The following SH3BP2 variants were observed in gnomAD, a reference collection of about 807,000 sequenced individuals.
SH3BP2 encodes the protein SH3 domain binding protein 2.
SH3BP2 carries 38 observed loss-of-function variants against 56.2 expected under a neutral mutation model. The ratio of observed to expected loss-of-function variants is 0.68; its 90% confidence interval spans 0.52 to 0.89. SH3BP2 has a LOEUF of 0.89. Ranked by LOEUF, SH3BP2 falls within the 40% of genes least tolerant of loss-of-function variation. SH3BP2 has a pLI of 0.00. For synonymous variants in SH3BP2, 346 were observed against 316.7 expected, an observed-to-expected ratio of 1.09 and a Z score of -0.98; for missense variants, 748 against 762.6, an observed-to-expected ratio of 0.98 and a Z score of 0.23.
chr4:2,813,792 C>A (rs1418237165), intron 1 of SH3BP2, among the ~76,000 whole-genome samples: 4 of 152,144 alleles, frequency 2.6e-5, no homozygotes, highest in African/African-American at 9.7e-5. Context: ...TGTATGAGAA[C>A]ATGAGAGCGA....
At chr4:2,796,216 G>T (rs1427945481) in intron 1 of SH3BP2, among the ~76,000 whole-genome samples, 1 of 152,174 alleles carries the variant, frequency 6.6e-6, no homozygotes, top group South Asian at 2.1e-4. Flanking sequence ...GTTCCGTGCC[G>T]GGCCCCTGAC....
chr4:2,802,488 GTA>G, intron 1 of SH3BP2, among the ~76,000 whole-genome samples: 1 of 148,168 alleles, frequency 6.7e-6, no homozygotes, highest in African/African-American at 2.5e-5. Flanking sequence ...ATATATATGT[GTA>G]TATGTATATA....
Position 2,824,600 on chromosome 4 carries a change from G to T in SH3BP2, c.240-13G>T. 1.2e-6 allele frequency: 2 copies of T among 1,606,588 alleles called. No individual in the cohort carries two copies. The highest frequency in any genetic ancestry group is 1.7e-6 in the Non-Finnish European group (2 of 1,174,462). Reference sequence around the variant, plus strand: ...TGTGAACCAGGCCGTGACCCCTGGCGCTGTGCCCCCAGGGTGATGCGGGCG... The same window carrying T: ...TGTGAACCAGGCCGTGACCCCTGGCTCTGTGCCCCCAGGGTGATGCGGGCG... On this transcript the variant is annotated splice_polypyrimidine_tract_variant and intron_variant, in intron 3 of 12. Coordinates refer to ENST00000503393, the MANE Select transcript of SH3BP2 (RefSeq NM_001122681.2).
Position 2,829,579 on chromosome 4 carries a change from T to C in SH3BP2, c.673T>C (p.Ser225Pro). The C allele has an allele frequency of 6.2e-7, 1 of 1,610,280 alleles. No individual in the cohort carries two copies. Among genetic ancestry groups the C allele is most frequent in the Non-Finnish European group, 8.5e-7 (1 of 1,178,988 alleles). The change falls in exon 8 of 13, where the codon TCC becomes CCC. Residue 225 changes from serine (S) to proline (P), a missense_variant. This residue lies in a region of SH3BP2 where 635 missense variants were observed against 615.0 expected (regional missense o/e 1.03). Transcript: ENST00000503393. The surrounding 1 kb of genome is among the most constrained non-coding windows in gnomAD (Gnocchi z 4.9). ...PAFSDMPRAH[S>P]FTSKGPGPLL... ...CTTCTCTGACATGCCCCGGGCCCAC[T>C]CCTTTACCTCCAAGGGCCCCGGTCC...
intron 1 of SH3BP2, among the ~76,000 whole-genome samples, chr4:2,794,522 C>T (rs1722999719): frequency 1.3e-5 from 2 of 152,248 alleles, no homozygotes; most frequent in African/African-American, 2.4e-5. Context: ...ATCCCCTCTC[C>T]CTGCCACCCG....
In SH3BP2 at chr4:2,829,423, C is replaced by T; in HGVS notation, c.587-70C>T. ...TTGCACTCCTGGTTGGCCTGGCTGA[C>T]CACTGCCAGCAGAGGATAGTGTTGG... On this transcript the variant is annotated intron_variant, in intron 7 of 12. Transcript: ENST00000503393. The surrounding 1 kb of genome is among the most constrained non-coding windows in gnomAD (Gnocchi z 4.9). The T allele has an allele frequency of 6.4e-7, 1 of 1,557,552 alleles. No homozygotes were observed. The highest frequency in any genetic ancestry group is 8.9e-7 in the Non-Finnish European group (1 of 1,129,702).
chr4:2,811,092 G>A (rs1262735474), intron 1 of SH3BP2, among the ~76,000 whole-genome samples: 1 of 152,232 alleles, frequency 6.6e-6, no homozygotes, highest in Non-Finnish European at 1.5e-5. Context: ...AGGAGACAGT[G>A]GGGTGTCTGC....
rs1456232472 is a variant in SH3BP2 at position 2,818,445 on chromosome 4, C to T, written c.-4-2169C>T. Reference sequence around the variant, plus strand: ...CGGGACCCGGGCCGCGAGCTTCCGGCTCTGGACCCCGCACCCCGAGCCCCT... The same window carrying T: ...CGGGACCCGGGCCGCGAGCTTCCGGTTCTGGACCCCGCACCCCGAGCCCCT... On this transcript the variant is annotated intron_variant, in intron 1 of 12. Transcript: ENST00000503393. 5 of 984,390 alleles carry T rather than the reference C, an allele frequency of 5.1e-6. No individual in the cohort carries two copies. In the African/African-American group the frequency reaches 5.1e-5, roughly 10 times the overall value. The allele number at this position is 984,390 out of a possible 1,614,324, so 61.0% of individuals were successfully genotyped here. A position where few individuals can be genotyped will look rare whatever the true frequency, so the allele number is the denominator to read the frequency against.
intron 1 of SH3BP2, among the ~76,000 whole-genome samples, chr4:2,802,402 A>G (rs1410080022): frequency 1.0e-5 from 1 of 100,426 alleles, no homozygotes; most frequent in Non-Finnish European, 2.2e-5. Flanking sequence ...TCAAAAAAAT[A>G]TATGTGTGTG....
chr4:2,833,615 T>C, intron 12 of SH3BP2, 82 bp from the exon 13 acceptor site: 2 of 1,539,880 alleles, frequency 1.3e-6, no homozygotes, highest in Non-Finnish European at 1.8e-6. Flanking sequence ...GCTGCTGCCT[T>C]GTTTTACAGA....
intron 7 of SH3BP2, among the ~76,000 whole-genome samples, chr4:2,828,895 C>T (rs569495330): frequency 2.2e-4 from 34 of 152,214 alleles, no homozygotes; most frequent in Non-Finnish European, 4.3e-4. Context: ...TTCTCCTCAG[C>T]TCCTGTGCTG....
In SH3BP2 at chr4:2,831,820, C is replaced by T; in HGVS notation, c.1351-103C>T. 1 of 1,411,880 alleles carries T rather than the reference C, an allele frequency of 7.1e-7. No individual in the cohort carries two copies. 87.5% of individuals were successfully genotyped at this position (1,411,880 alleles called of 1,614,324 possible). ...CCGGGAGCCTAGGGGGACACAGCAC[C>T]ATGTAAAGCCCCGGATCCCGGCACC... On this transcript the variant is annotated intron_variant, in intron 9 of 12. Coordinates refer to ENST00000503393, the MANE Select transcript of SH3BP2 (RefSeq NM_001122681.2). This position sits in a 1 kb window ranked among gnomAD's most constrained non-coding sequence, Gnocchi z 4.1.
intron 1 of SH3BP2, chr4:2,796,789 G>A (rs944493077): frequency 1.3e-5 from 2 of 152,330 alleles, no homozygotes; most frequent in Non-Finnish European, 2.9e-5. Context: ...CCACCCCAGG[G>A]TCAGCCAGGC....
At chr4:2,828,887 C>T (rs1387437046) in intron 7 of SH3BP2, among the ~76,000 whole-genome samples, 1 of 152,164 alleles carries the variant, frequency 6.6e-6, no homozygotes, top group Non-Finnish European at 1.5e-5. Flanking sequence ...GGTCCTCTTT[C>T]TCCTCAGCTC....
At chr4:2,826,984 T>C in intron 5 of SH3BP2, 1 of 664,136 alleles carries the variant, frequency 1.5e-6, no homozygotes, top group Admixed American at 2.1e-5. Flanking sequence ...TTTGTCAGAG[T>C]ATGTGTGCAT....
At chr4:2,797,127 G>A (rs1012838869) in intron 1 of SH3BP2, among the ~76,000 whole-genome samples, 5 of 152,178 alleles carry the variant, frequency 3.3e-5, no homozygotes, top group Admixed American at 6.5e-5. Context: ...CTCTTCTGTG[G>A]CATTTGAGGG....
rs192098170 is a variant in SH3BP2, at chr4:2,829,833, C to T, written c.927C>T (p.Thr309=). ...CCAGCCCCAGCCCGGAGCCCTGGAC[C>T]CCTGGCCACGGGGCCTGCTCCACTT... The part of the protein sequence containing the change: ...ESASPSPEPW[T]PGHGACSTSS... Residue 309 remains threonine (T), a synonymous_variant, in exon 8 of 13, where the codon ACC becomes ACT. Coordinates refer to ENST00000503393, the MANE Select transcript of SH3BP2 (RefSeq NM_001122681.2). This position sits in a 1 kb window ranked among gnomAD's most constrained non-coding sequence, Gnocchi z 4.9. The T allele has an allele frequency of 2.5e-6, 4 of 1,613,558 alleles. No homozygotes were observed. The highest frequency in any genetic ancestry group is 1.3e-5 in the African/African-American group (1 of 75,030).
At chr4:2,806,936 C>T (rs1723558882) in intron 1 of SH3BP2, among the ~76,000 whole-genome samples, 1 of 152,264 alleles carries the variant, frequency 6.6e-6, no homozygotes. Context: ...AGCCCAGGTG[C>T]CATGCAGGCA....
chr4:2,827,344 C>T (rs1724724217), intron 6 of SH3BP2, 26 bp downstream of exon 6: 4 of 1,596,070 alleles, frequency 2.5e-6, no homozygotes, highest in Admixed American at 1.7e-5. Context: ...GCATCCACTG[C>T]CCGTTTGCCT....
Sources: allele counts gnomAD v4.1 joint callset (sites outside exome capture counted in the v4.1 genomes callset), GRCh38; gene constraint gnomAD v4.1.1; regional missense constraint gnomAD v4.1.1; non-coding constraint Gnocchi (gnomAD v3.1); transcripts MANE v1.5; gene names NCBI Gene and HGNC (gene_info 2026-07-23, HGNC 2026-07-21).